SMG6: variants seen among roughly 807,000 people sequenced by gnomAD.
SMG6 encodes telomerase-binding protein EST1A.
A neutral mutation model predicts 142.2 loss-of-function variants in SMG6; 66 were observed. The observed-to-expected ratio is 0.46, with a 90% CI of 0.38 to 0.57. SMG6 has a LOEUF of 0.57. Among genes scored for constraint, SMG6 ranks in the 20% least tolerant of loss-of-function variants. SMG6 has a pLI of 0.00. For missense variants in SMG6, 1,793 were observed against 1,832.0 expected, an observed-to-expected ratio of 0.98 and a Z score of 0.39; for synonymous variants, 779 against 702.4, an observed-to-expected ratio of 1.11 and a Z score of -1.72.
chr17:2,267,903 A>ACCC (rs1567732346), intron 8 of SMG6, among the ~76,000 whole-genome samples: 1,522 of 151,548 alleles, frequency 0.01, 29 homozygotes, highest in African/African-American at 0.034. Flanking sequence ...GCCTGCCACC[A>ACCC]CACCCGGCTA....
At chr17:2,293,129 C>T (rs2075075348) in intron 4 of SMG6, 152 bp from the exon 5 acceptor site, 2 of 601,334 alleles carry the variant, frequency 3.3e-6, no homozygotes, top group Non-Finnish European at 5.9e-6. Context: ...ACCTGACTAC[C>T]AAAAAAACAC....
Position 2,188,531 on chromosome 17 carries a change from T to C in SMG6, c.2870-16A>G, listed in dbSNP as rs191959611. ...GAGAAGCAGTCTGCGGACAGGCAAATGAAACTCTCAGCGCCCCAGGCGGAC... is the reference window on the plus strand; with the variant it reads ...GAGAAGCAGTCTGCGGACAGGCAAACGAAACTCTCAGCGCCCCAGGCGGAC... On this transcript the variant is annotated splice_polypyrimidine_tract_variant and intron_variant, in intron 10 of 18. Coordinates refer to ENST00000263073, the MANE Select transcript of SMG6 (RefSeq NM_017575.5). 2.7e-3 allele frequency: 4,315 copies of C among 1,609,374 alleles called. 9 individuals are homozygous for C. The highest frequency in any genetic ancestry group is 3.5e-3 in the Non-Finnish European group (4,067 of 1,177,092).
At position 2,216,241 on chromosome 17, in the gene SMG6, A is replaced by G. The variant is rs185553543; in HGVS notation, c.2869+20251T>C. Among the ~76,000 whole-genome samples the G allele has an allele frequency of 2.1e-3, 325 of 152,190 alleles. 2 individuals are homozygous for G. Among genetic ancestry groups the G allele is most frequent in the African/African-American group, 5.6e-3 (232 of 41,528 alleles). ...CAATCTCCCTTGGAAGGGACCAACC[A>G]AGGTATCCAAGGAATGGGGTCAAGA... On this transcript the variant is annotated intron_variant, in intron 10 of 18. Coordinates refer to ENST00000263073, the MANE Select transcript of SMG6 (RefSeq NM_017575.5).
At chr17:2,118,595 T>C (rs966129136) in intron 13 of SMG6, among the ~76,000 whole-genome samples, 2 of 150,040 alleles carry the variant, frequency 1.3e-5, no homozygotes, top group African/African-American at 2.5e-5. Context: ...TAAATCTAGA[T>C]AGCTTTTTTT....
intron 8 of SMG6, among the ~76,000 whole-genome samples, chr17:2,256,666 T>C (rs2074187660): frequency 6.6e-6 from 1 of 152,110 alleles, no homozygotes; most frequent in Non-Finnish European, 1.5e-5. Flanking sequence ...TTCTAGCTAC[T>C]TGTGAGGCTT....
At chr17:2,154,077 G>C (rs1567641957) in intron 13 of SMG6, among the ~76,000 whole-genome samples, 3 of 141,534 alleles carry the variant, frequency 2.1e-5, no homozygotes, top group African/African-American at 5.3e-5. Flanking sequence ...CGGTGACTGG[G>C]GGAACCTGGG....
intron 17 of SMG6, 38 bp from the exon 18 acceptor site, chr17:2,065,192 A>G: frequency 1.3e-6 from 2 of 1,537,372 alleles, no homozygotes; most frequent in Non-Finnish European, 1.8e-6. Context: ...CACTGGGCAG[A>G]AGGGGGCGCC....
chr17:2,138,854 T>A (rs991594782), intron 13 of SMG6, among the ~76,000 whole-genome samples: 1 of 152,220 alleles, frequency 6.6e-6, no homozygotes, highest in South Asian at 2.1e-4. Context: ...ATGTATTTCA[T>A]AGAGCAAGCT....
At chr17:2,192,919 C>T (rs1408721107) in intron 10 of SMG6, among the ~76,000 whole-genome samples, 2 of 152,198 alleles carry the variant, frequency 1.3e-5, no homozygotes, top group Non-Finnish European at 2.9e-5. Flanking sequence ...ATTTTATTCC[C>T]TGAGGAGCAG....
intron 10 of SMG6, among the ~76,000 whole-genome samples, chr17:2,217,181 TC>T (rs879521494): frequency 2.6e-4 from 39 of 152,220 alleles, no homozygotes; most frequent in Non-Finnish European, 4.7e-4. Context: ...CCTAGTTTTA[TC>T]TAATTTCAAA....
chr17:2,066,717 T>C (rs2067964574), intron 16 of SMG6, among the ~76,000 whole-genome samples: 1 of 143,434 alleles, frequency 7.0e-6, no homozygotes, highest in African/African-American at 2.6e-5. Flanking sequence ...TTCGGCACCC[T>C]GAGGCTGCAG....
At chr17:2,093,758 C>CT (rs1343805617) in intron 13 of SMG6, among the ~76,000 whole-genome samples, 2 of 152,108 alleles carry the variant, frequency 1.3e-5, no homozygotes, top group African/African-American at 4.8e-5. Context: ...GGCTCAGTCT[C>CT]TTGAGCTCAA....
chr17:2,264,633 G>A (rs1332569769), intron 8 of SMG6, among the ~76,000 whole-genome samples: 1 of 152,176 alleles, frequency 6.6e-6, no homozygotes, highest in African/African-American at 2.4e-5. Context: ...TGGACACAGT[G>A]ACTCATAGCT....
intron 10 of SMG6, among the ~76,000 whole-genome samples, chr17:2,224,127 G>C (rs1340996216): frequency 1.3e-5 from 2 of 152,196 alleles, no homozygotes; most frequent in Non-Finnish European, 2.9e-5. Flanking sequence ...CCTTTGGTCA[G>C]AGATTGAATA....
At chr17:2,271,496 C>T (rs905462279) in intron 8 of SMG6, among the ~76,000 whole-genome samples, 5 of 151,492 alleles carry the variant, frequency 3.3e-5, no homozygotes, top group African/African-American at 4.8e-5. Context: ...GGTGGATCAC[C>T]TGAGGTCAGG....
chr17:2,212,284 T>C (rs746965295), intron 10 of SMG6, among the ~76,000 whole-genome samples: 4 of 152,022 alleles, frequency 2.6e-5, no homozygotes, highest in African/African-American at 4.8e-5. Context: ...TGGAAAAAGA[T>C]AGACCCAAAA....
At chr17:2,185,281 T>G (rs1445997988) in intron 12 of SMG6, among the ~76,000 whole-genome samples, 1 of 151,424 alleles carries the variant, frequency 6.6e-6, no homozygotes. Flanking sequence ...ACACAGAACT[T>G]TGCGCTCAGA....
At chr17:2,135,647 T>C (rs1028353660) in intron 13 of SMG6, among the ~76,000 whole-genome samples, 3 of 152,254 alleles carry the variant, frequency 2.0e-5, no homozygotes, top group Non-Finnish European at 4.4e-5. Flanking sequence ...CTAGTGTGAC[T>C]GAAGAATTGA....
intron 10 of SMG6, among the ~76,000 whole-genome samples, chr17:2,228,571 C>T (rs950651372): frequency 6.6e-6 from 1 of 151,978 alleles, no homozygotes; most frequent in African/African-American, 2.4e-5. Context: ...CCACGTTGAC[C>T]AGGCTGGTCT....
Sources: gnomAD v4.1 joint callset for allele counts (sites outside exome capture counted in the v4.1 genomes callset) on GRCh38, gnomAD v4.1.1 for gene constraint, MANE v1.5 for transcripts, NCBI Gene and HGNC (gene_info 2026-07-23, HGNC 2026-07-21) for gene names.